Variants in DSE observed in about 807,000 individuals in gnomAD.
DSE encodes the protein dermatan sulfate epimerase.
In DSE, 36 loss-of-function variants were observed where a neutral mutation model predicts 84.4. The ratio of observed to expected loss-of-function variants is 0.43; its 90% confidence interval spans 0.33 to 0.56. The LOEUF (loss-of-function observed/expected upper bound fraction) is 0.56, where lower values mean the gene tolerates loss of function less well. DSE is among the 20% of genes least tolerant of loss of function. The probability of loss-of-function intolerance (pLI) is 0.06; values close to 1 mark genes in which losing one functional copy is unlikely to be tolerated. For missense variants in DSE, 862 were observed against 1,169.6 expected (o/e 0.74, Z 3.84); for synonymous variants, 410 against 430.1 (o/e 0.95, Z 0.58).
Position 116,436,662 on chromosome 6 carries a change from G to A in DSE, c.2194G>A (p.Val732Ile). 1 of 1,614,194 alleles carries A rather than the reference G, an allele frequency of 6.2e-7. No homozygotes were observed. The highest frequency in any genetic ancestry group is 8.5e-7 in the Non-Finnish European group (1 of 1,180,028). Reference protein sequence around the residue: ...DRNSAIKSSIVPEVKDYAAIV... With the variant: ...DRNSAIKSSIIPEVKDYAAIV... ...GAATTCAGCCATCAAGAGCAGCATT[G>A]TCCCTGAGGTGAAGGACTATGCTGC... Residue 732 changes from valine (V) to isoleucine (I), a missense_variant, in exon 6 of 6, where the codon GTC (valine) becomes ATC (isoleucine). Physicochemically the swap from Val to Ile is conservative, Grantham distance 29. Around this residue, in one of 4 missense-constraint regions of DSE, gnomAD observed 315 missense variants for 348.1 expected, o/e 0.90. Coordinates refer to ENST00000644252, the MANE Select transcript of DSE (RefSeq NM_013352.4).
intron 2 of DSE, among the ~76,000 whole-genome samples, chr6:116,424,240 A>G (rs1783282711): frequency 6.6e-6 from 1 of 152,218 alleles, no homozygotes; most frequent in Non-Finnish European, 1.5e-5. Flanking sequence ...CTCCCTGGCA[A>G]TGAGTGTGCA....
intron 2 of DSE, among the ~76,000 whole-genome samples, chr6:116,317,283 T>G (rs951612442): frequency 4.6e-5 from 7 of 152,212 alleles, no homozygotes; most frequent in Admixed American, 2.0e-4. Flanking sequence ...CTCAGTGGAT[T>G]TCAGAACAGA....
chr6:116,381,002 C>A (rs1416525616), intron 1 of DSE, among the ~76,000 whole-genome samples: 1 of 152,094 alleles, frequency 6.6e-6, no homozygotes, highest in African/African-American at 2.4e-5. Flanking sequence ...CTTTGTCATT[C>A]TTATGCAAAC....
chr6:116,313,727 T>C (rs1775820983), intron 2 of DSE, among the ~76,000 whole-genome samples: 1 of 152,240 alleles, frequency 6.6e-6, no homozygotes, highest in African/African-American at 2.4e-5. Flanking sequence ...AATTCCTATG[T>C]ATGTTTAATC....
At chr6:116,258,565 G>A (rs1772249506) in exon 2 of DSE, 2 of 1,555,360 alleles carry the variant, frequency 1.3e-6, no homozygotes, top group Non-Finnish European at 1.8e-6. Context: ...GGAGTTGGAG[G>A]AGCCCTTGGC....
In DSE at chr6:116,370,958, C is replaced by T. The variant is rs1779507311; in HGVS notation, c.-217C>T. The T allele has an allele frequency of 2.0e-6, 2 of 985,328 alleles. No homozygotes were observed. The highest frequency in any genetic ancestry group is 2.4e-6 in the Non-Finnish European group (2 of 830,000). 61.0% of individuals were successfully genotyped at this position (985,328 alleles called of 1,614,324 possible). A position where few individuals can be genotyped will look rare whatever the true frequency, so the allele number is the denominator to read the frequency against. On this transcript the variant is annotated 5_prime_UTR_variant, in exon 1 of 6. Transcript: ENST00000644252. ...CCGGCCCGGCTCTCAGTAGCGTCGC[C>T]CGAGGCTGCAGCAGCGCATCCCGGG...
At chr6:116,343,668 A>G (rs1023638255) in intron 2 of DSE, among the ~76,000 whole-genome samples, 1 of 152,210 alleles carries the variant, frequency 6.6e-6, no homozygotes, top group African/African-American at 2.4e-5. Context: ...TAAAACCACA[A>G]AGATGGGGAG....
At chr6:116,293,476 T>A (rs9488887) in intron 2 of DSE, among the ~76,000 whole-genome samples, 44,640 of 151,854 alleles carry the variant, frequency 0.29, 7,203 homozygotes, top group East Asian at 0.65. Context: ...TTCACCATGA[T>A]GGTTTGTTTT....
chr6:116,398,873 AT>A (rs953096722), intron 1 of DSE, among the ~76,000 whole-genome samples: 17 of 152,332 alleles, frequency 1.1e-4, no homozygotes, highest in Admixed American at 2.6e-4. Context: ...GTCTAAAAAA[AT>A]ATACCATGTG....
chr6:116,344,346 G>A (rs1777813481), intron 2 of DSE, among the ~76,000 whole-genome samples: 1 of 152,172 alleles, frequency 6.6e-6, no homozygotes, highest in African/African-American at 2.4e-5. Flanking sequence ...ATTCACCAAA[G>A]TTGAAATGAA....
At chr6:116,278,840 A>G (rs765798968) in intron 2 of DSE, 2 of 1,613,994 alleles carry the variant, frequency 1.2e-6, no homozygotes, top group South Asian at 1.1e-5. Flanking sequence ...TTGTTTCTGA[A>G]GTAGGGGTTT....
At chr6:116,430,890 C>T (rs1783789656) in intron 3 of DSE, 64 bp from the exon 4 acceptor site, 1 of 1,582,602 alleles carries the variant, frequency 6.3e-7, no homozygotes, top group Admixed American at 1.8e-5. Context: ...TTTTATTGGC[C>T]ATATTTTTGT....
At chr6:116,399,999 G>A (rs1781496226) in intron 2 of DSE, 1 of 227,676 alleles carries the variant, frequency 4.4e-6, no homozygotes, top group Non-Finnish European at 8.7e-6. Context: ...TCTGGTGTTA[G>A]GTTTGATTGA....
chr6:116,288,411 A>G (rs944893787), intron 2 of DSE: 1 of 152,140 alleles, frequency 6.6e-6, no homozygotes, highest in Admixed American at 6.6e-5. Flanking sequence ...AGCTAACTAT[A>G]TAGAATTTCA....
chr6:116,260,326 A>G (rs945547703), intron 2 of DSE, among the ~76,000 whole-genome samples: 1 of 152,018 alleles, frequency 6.6e-6, no homozygotes, highest in Non-Finnish European at 1.5e-5. Flanking sequence ...CCACTTTTTA[A>G]TAGAGTTCTT....
intron 2 of DSE, among the ~76,000 whole-genome samples, chr6:116,417,960 G>A (rs191416843): frequency 1.3e-5 from 2 of 152,266 alleles, no homozygotes; most frequent in East Asian, 1.9e-4. Context: ...TGAACTGAAC[G>A]TCAATTTGTA....
At chr6:116,310,935 G>C (rs1030008122) in intron 2 of DSE, among the ~76,000 whole-genome samples, 1 of 152,214 alleles carries the variant, frequency 6.6e-6, no homozygotes, top group African/African-American at 2.4e-5. Context: ...CCTTGCCTGT[G>C]TGTCCAGCCT....
chr6:116,370,858 TC>T (rs1639656358), upstream of DSE: 2 of 985,426 alleles, frequency 2.0e-6, no homozygotes, highest in Non-Finnish European at 1.2e-6. Context: ...TGCGGTTTCC[TC>T]CCCCCTCCAG....
rs532138166 is a variant in DSE, at chr6:116,340,848, G to T, written c.-53-58350G>T. ...CTTTTTTATGGCTGCATAGTATTCC[G>T]TGGTGTATATGTGCCATATTTTCTT... On this transcript the variant is annotated intron_variant, in intron 2 of 3. Transcript: ENST00000430252. Among the ~76,000 whole-genome samples the T allele has an allele frequency of 3.3e-5, 5 of 152,168 alleles. No individual in the cohort carries two copies. The East Asian group carries it at 9.7e-4, about 29-fold the overall frequency.
Sources: gnomAD v4.1 joint callset for allele counts (sites outside exome capture counted in the v4.1 genomes callset) on GRCh38, gnomAD v4.1.1 for gene constraint, gnomAD v4.1.1 regional missense constraint, MANE v1.5 for transcripts, NCBI Gene and HGNC (gene_info 2026-07-23, HGNC 2026-07-21) for gene names.